The following ANK2 variants were observed in gnomAD, a reference collection of about 807,000 sequenced individuals.
The protein encoded by ANK2 is ankyrin-2.
A neutral mutation model predicts 360.5 loss-of-function variants in ANK2; 83 were observed. The observed-to-expected ratio is 0.23, with a 90% CI of 0.19 to 0.28. ANK2 has a LOEUF of 0.28. Among genes scored for constraint, ANK2 ranks in the 10% least tolerant of loss-of-function variants. The probability of loss-of-function intolerance (pLI) is 1.00; values close to 1 mark genes in which losing one functional copy is unlikely to be tolerated. For synonymous variants in ANK2, 1,740 were observed against 1,759.5 expected, an observed-to-expected ratio of 0.99 and a Z score of 0.28; for missense variants, 4,201 against 4,795.7, an observed-to-expected ratio of 0.88 and a Z score of 3.66.
intron 6 of ANK2, 140 bp downstream of exon 6, chr4:113,237,312 T>G (rs2099391105): frequency 8.9e-7 from 1 of 1,124,656 alleles, no homozygotes; most frequent in Admixed American, 2.0e-5. Flanking sequence ...TTCAGAGGTA[T>G]TTCAGAAAGA....
At chr4:113,364,873 T>A (rs570660051) in intron 40 of ANK2, among the ~76,000 whole-genome samples, 166 bp from the exon 41 acceptor site, 1 of 152,352 alleles carries the variant, frequency 6.6e-6, no homozygotes, top group East Asian at 1.9e-4. Flanking sequence ...CCACTTTTTT[T>A]ATGCATATCT....
intron 45 of ANK2, chr4:113,374,830 C>A: frequency 1.6e-6 from 2 of 1,266,890 alleles, no homozygotes; most frequent in Non-Finnish European, 1.0e-6. Flanking sequence ...AGTGGAAGGC[C>A]GTAGAGTCAG....
intron 2 of ANK2, among the ~76,000 whole-genome samples, chr4:113,185,103 C>T (rs952196273): frequency 6.6e-6 from 1 of 152,134 alleles, no homozygotes; most frequent in Non-Finnish European, 1.5e-5. Context: ...TCCCGTCTAT[C>T]ATTGATAGGC....
intron 13 of ANK2, among the ~76,000 whole-genome samples, chr4:113,260,160 T>A (rs2051955142): frequency 6.6e-6 from 1 of 152,140 alleles, no homozygotes; most frequent in East Asian, 1.9e-4. Context: ...TATAAAATGG[T>A]TGTGGAATTT....
At chr4:112,962,319 A>G (rs1423221134) in intron 2 of ANK2, among the ~76,000 whole-genome samples, 1 of 152,036 alleles carries the variant, frequency 6.6e-6, no homozygotes, top group African/African-American at 2.4e-5. Flanking sequence ...GCCTATGCTG[A>G]TTCACTTAGG....
chr4:113,130,488 A>C (rs1026041996), intron 1 of ANK2, among the ~76,000 whole-genome samples: 1 of 152,212 alleles, frequency 6.6e-6, no homozygotes, highest in African/African-American at 2.4e-5. Context: ...AACTGTGATC[A>C]AAGACCATGA....
At chr4:112,827,761 G>A (rs969363510) in intron 1 of ANK2, among the ~76,000 whole-genome samples, 1 of 152,140 alleles carries the variant, frequency 6.6e-6, no homozygotes, top group Non-Finnish European at 1.5e-5. Context: ...TGGATAGGAA[G>A]AATCAATATT....
Position 113,161,354 on chromosome 4 carries a change from AT to A in ANK2, c.85-13061del, listed in dbSNP as rs1210084556. On this transcript the variant is annotated intron_variant, in intron 1 of 45. Coordinates refer to ENST00000357077, the MANE Select transcript of ANK2 (RefSeq NM_001148.6). Reference sequence around the variant, plus strand: ...TTTTAAAAGGCAGTGCAAGCTACAAATACTTGATTTGCTCATCTTTTTTCTA... The same window carrying A: ...TTTTAAAAGGCAGTGCAAGCTACAAAACTTGATTTGCTCATCTTTTTTCTA... 7.9e-5 allele frequency among the ~76,000 whole-genome samples: 12 copies of A among 152,348 alleles called. No homozygotes were observed. The South Asian group carries it at 1.0e-3, about 13-fold the overall frequency.
chr4:112,755,125 C>A, the ANK2 span, among the ~76,000 whole-genome samples: 138 of 152,260 alleles, frequency 9.1e-4, no homozygotes, highest in East Asian at 0.024. Context: ...CTCAATCCTG[C>A]CCCCCTCCAA....
chr4:113,224,686 G>A (rs2099193675), intron 4 of ANK2, among the ~76,000 whole-genome samples: 1 of 152,110 alleles, frequency 6.6e-6, no homozygotes. Context: ...GATATTTTAT[G>A]TAATCATTTG....
At chr4:112,873,807 G>A (rs2074094849) in intron 1 of ANK2, among the ~76,000 whole-genome samples, 1 of 151,856 alleles carries the variant, frequency 6.6e-6, no homozygotes, top group Admixed American at 6.6e-5. Context: ...CTCCCAAAGT[G>A]CTGGGATTAC....
At position 113,336,707 on chromosome 4, in the gene ANK2, A is replaced by G; in HGVS notation, c.3722A>G (p.Lys1241Arg). The change falls in exon 31 of 46, where the codon AAA becomes AGA. Residue 1241 changes from lysine to arginine, a missense_variant. Transcript: ENST00000357077. ...KPITMTIPVP[K>R]ASSDVMLNGF... ...ATTACCATGACCATTCCTGTCCCCA[A>G]AGCTTCAAGTGATGTCATGTTGAAT... 6.2e-7 allele frequency: 1 copy of G among 1,614,132 alleles called. No individual in the cohort carries two copies. Among genetic ancestry groups the G allele is most frequent in the Non-Finnish European group, 8.5e-7 (1 of 1,180,006 alleles).
intron 2 of ANK2, among the ~76,000 whole-genome samples, chr4:113,190,550 A>T (rs1349460691): frequency 5.3e-5 from 8 of 151,932 alleles, no homozygotes; most frequent in Non-Finnish European, 7.4e-5. Flanking sequence ...ATTTTTAGAG[A>T]CTGAGATATT....
the ANK2 span, among the ~76,000 whole-genome samples, chr4:112,733,324 T>C: frequency 1.3e-5 from 2 of 152,194 alleles, no homozygotes; most frequent in Admixed American, 1.3e-4. Flanking sequence ...TGATTATATA[T>C]TAAGTGCCTC....
chr4:112,722,849 A>G, the ANK2 span, among the ~76,000 whole-genome samples: 3 of 152,104 alleles, frequency 2.0e-5, no homozygotes, highest in East Asian at 3.9e-4. Flanking sequence ...CTGTAGTCCC[A>G]TCTACTTGGG....
intron 1 of ANK2, among the ~76,000 whole-genome samples, chr4:112,892,219 C>T (rs2080241525): frequency 6.6e-6 from 1 of 151,918 alleles, no homozygotes; most frequent in African/African-American, 2.4e-5. Flanking sequence ...GAGGCCATTA[C>T]ACAAATGCTA....
intron 2 of ANK2, among the ~76,000 whole-genome samples, chr4:113,001,004 T>G (rs189519825): frequency 5.1e-4 from 75 of 146,394 alleles, no homozygotes; most frequent in African/African-American, 1.8e-3. Flanking sequence ...TTTTTTTCTT[T>G]CCATTGGATT....
At chr4:113,082,575 T>C (rs2082847082) in intron 1 of ANK2, among the ~76,000 whole-genome samples, 1 of 152,222 alleles carries the variant, frequency 6.6e-6, no homozygotes, top group Non-Finnish European at 1.5e-5. Context: ...GAAACGTGCA[T>C]TTAGTTATAA....
chr4:113,070,648 C>T (rs2077214025), intron 1 of ANK2, among the ~76,000 whole-genome samples: 1 of 152,060 alleles, frequency 6.6e-6, no homozygotes, highest in Admixed American at 6.6e-5. Context: ...ACCAATCCAA[C>T]ACTCTTTATT....
Sources: allele counts gnomAD v4.1 joint callset (sites outside exome capture counted in the v4.1 genomes callset), GRCh38; gene constraint gnomAD v4.1.1; transcripts MANE v1.5; gene names NCBI Gene and HGNC (gene_info 2026-07-23, HGNC 2026-07-21).